Variants in SAMM50 observed in about 807,000 individuals in gnomAD.
SAMM50 encodes sorting and assembly machinery component 50 homolog.
SAMM50 carries 47 observed loss-of-function variants against 66.9 expected under a neutral mutation model. That is an observed-to-expected ratio of 0.70 (90% CI 0.56 to 0.90). SAMM50 has a LOEUF of 0.90. SAMM50 is among the 40% of genes least tolerant of loss of function. The pLI, the probability that SAMM50 is intolerant of heterozygous loss-of-function variation, is 0.00. For synonymous variants in SAMM50, 191 were observed against 214.1 expected, an observed-to-expected ratio of 0.89 and a Z score of 0.94; for missense variants, 535 against 595.3, an observed-to-expected ratio of 0.90 and a Z score of 1.05.
chr22:43,967,776 C>A (rs930777921), intron 3 of SAMM50, among the ~76,000 whole-genome samples: 1 of 152,232 alleles, frequency 6.6e-6, no homozygotes, highest in African/African-American at 2.4e-5. Flanking sequence ...CCTTATCACA[C>A]GAGGGCCTTT....
In SAMM50 at chr22:43,963,310, G is replaced by A. The variant is rs369884307; in HGVS notation, c.46G>A (p.Gly16Arg). ...GAGTTTGGAGCCTCTTCCATCAAGT[G>A]GACCTGATTTTGGAGGATTAGGAGA... ...ARSLEPLPSSGPDFGGLGEEA... is the reference protein window; with the variant it reads ...ARSLEPLPSSRPDFGGLGEEA... Residue 16 changes from glycine (G) to arginine (R), a missense_variant, in exon 2 of 15, where the codon GGA becomes AGA. Physicochemically the swap from Gly to Arg is moderately radical, Grantham distance 125. Coordinates refer to ENST00000350028, the MANE Select transcript of SAMM50 (RefSeq NM_015380.5). The A allele has an allele frequency of 8.1e-6, 13 of 1,611,158 alleles. No homozygotes were observed. Among genetic ancestry groups the A allele is most frequent in the Middle Eastern group, 1.7e-4 (1 of 6,050 alleles).
intron 3 of SAMM50, among the ~76,000 whole-genome samples, chr22:43,965,622 G>A (rs375175610): frequency 4.6e-5 from 7 of 152,250 alleles, no homozygotes; most frequent in East Asian, 1.9e-4. Flanking sequence ...CCCTACCCCG[G>A]CCAATCCCAG....
chr22:43,981,562 A>T (rs4823182), intron 11 of SAMM50, 101 bp downstream of exon 11: 2 of 766,950 alleles, frequency 2.6e-6, no homozygotes, highest in Non-Finnish European at 2.3e-6. Flanking sequence ...TTAGGAGAGC[A>T]TAGTATTTCA....
intron 14 of SAMM50, among the ~76,000 whole-genome samples, chr22:43,996,041 C>G (rs2050351819): frequency 6.6e-6 from 1 of 152,218 alleles, no homozygotes; most frequent in Non-Finnish European, 1.5e-5. Context: ...CCTCTGTCCT[C>G]TCCGTCCGGA....
At chr22:43,956,382 G>A (rs1463231285) in intron 1 of SAMM50, among the ~76,000 whole-genome samples, 3 of 152,206 alleles carry the variant, frequency 2.0e-5, no homozygotes, top group Non-Finnish European at 4.4e-5. Flanking sequence ...GTTTTCAGTA[G>A]TTCCCCATTA....
Position 43,996,189 on chromosome 22 carries a change from G to A in SAMM50, c.1365-149G>A, listed in dbSNP as rs143716096. 1,022 of 820,498 alleles carry A rather than the reference G, an allele frequency of 1.2e-3. 7 individuals carry two copies. The African/African-American group carries it at 0.015, about 12-fold the overall frequency. The allele number at this position is 820,498 out of a possible 1,614,324, so 50.8% of individuals were successfully genotyped here. A position where few individuals can be genotyped will look rare whatever the true frequency, so the allele number is the denominator to read the frequency against. On this transcript the variant is annotated intron_variant, in intron 14 of 14. Transcript: ENST00000350028. Reference sequence around the variant, plus strand: ...GCAAAGGAGGAAGCAGCCGGGGCCGGTGAGGGTGAGGCCGGCAGCCAGGCA... The same window carrying A: ...GCAAAGGAGGAAGCAGCCGGGGCCGATGAGGGTGAGGCCGGCAGCCAGGCA...
chr22:43,960,227 GA>G (rs1216911755), intron 1 of SAMM50, among the ~76,000 whole-genome samples: 1 of 152,134 alleles, frequency 6.6e-6, no homozygotes, highest in Non-Finnish European at 1.5e-5. Flanking sequence ...CAACAAAATT[GA>G]AAGGATAGAG....
chr22:43,990,281 T>A lies in SAMM50; in HGVS notation c.1239T>A (p.Ala413=). The part of the protein sequence containing the change: ...CNLNYGEGPK[A]HIRKLAECIR... The stretch of plus-strand genomic sequence containing the variant: ...TCTTTTCAGGGGAGGGCCCCAAAGC[T>A]CATATTCGTAAGCTGGCTGAGTGCA... The change falls in exon 14 of 15, where the codon GCT becomes GCA. Residue 413 remains alanine, a synonymous_variant. Coordinates refer to ENST00000350028, the MANE Select transcript of SAMM50 (RefSeq NM_015380.5). 1 of 1,614,128 alleles carries A rather than the reference T, an allele frequency of 6.2e-7. No individual in the cohort carries two copies. Among genetic ancestry groups the A allele is most frequent in the Non-Finnish European group, 8.5e-7 (1 of 1,180,024 alleles).
chr22:43,978,503 G>A (rs997975236), intron 10 of SAMM50, among the ~76,000 whole-genome samples: 12 of 149,658 alleles, frequency 8.0e-5, no homozygotes, highest in African/African-American at 2.7e-4. Context: ...GCCCCTCCCC[G>A]TTTATCATCT....
intron 1 of SAMM50, chr22:43,957,405 A>G (rs1396079850): frequency 2.6e-6 from 1 of 382,744 alleles, no homozygotes; most frequent in African/African-American, 2.1e-5. Flanking sequence ...AAAAAAGGCA[A>G]CTTGATTAAT....
chr22:43,979,862 C>T (rs11090620), intron 10 of SAMM50, among the ~76,000 whole-genome samples: 61,655 of 151,082 alleles, frequency 0.41, 14,480 homozygotes, highest in African/African-American at 0.65. Flanking sequence ...CACTCGTATT[C>T]ACTCTGTCTG....
rs762456444 is a variant in SAMM50 at position 43,968,747 on chromosome 22, A to T, written c.251A>T (p.His84Leu). Residue 84 changes from histidine (H) to leucine (L), a missense_variant, in exon 4 of 15, where the codon CAT becomes CTT. Physicochemically the swap from His to Leu is moderately conservative, Grantham distance 99. Coordinates refer to ENST00000350028, the MANE Select transcript of SAMM50 (RefSeq NM_015380.5). The stretch of plus-strand genomic sequence containing the variant: ...ATTTTATAGGTAATGCGGAAATCTC[A>T]TGAAGCCCGTGAAAAATTGCTCCGT... Reference protein sequence around the residue: ...KNLIEVMRKSHEAREKLLRLG... With the variant: ...KNLIEVMRKSLEAREKLLRLG... 11 of 1,612,116 alleles carry T rather than the reference A, an allele frequency of 6.8e-6. No individual in the cohort carries two copies. Among genetic ancestry groups the T allele is most frequent in the Non-Finnish European group, 9.3e-6 (11 of 1,178,268 alleles).
intron 1 of SAMM50, among the ~76,000 whole-genome samples, chr22:43,959,266 G>A (rs1187363695): frequency 6.6e-6 from 1 of 152,002 alleles, no homozygotes; most frequent in Non-Finnish European, 1.5e-5. Flanking sequence ...TGATCTGCCT[G>A]CCTCAGCCTC....
chr22:43,983,737 T>G lies in SAMM50; in HGVS notation c.1008-196T>G, dbSNP rs1428944970. On this transcript the variant is annotated intron_variant, in intron 11 of 14. Transcript: ENST00000350028. This position sits in a 1 kb window ranked among gnomAD's most constrained non-coding sequence, Gnocchi z 4.2. ...CATCTCCAAAGTTTGCAGTGTCTCC[T>G]TAGATGTTGAGATTTTTATGAAATT... Among the ~76,000 whole-genome samples, 1 of 152,224 alleles carries G rather than the reference T, an allele frequency of 6.6e-6. No homozygotes were observed. The highest frequency in any genetic ancestry group is 1.9e-4 in the East Asian group (1 of 5,204).
intron 1 of SAMM50, chr22:43,962,936 T>A (rs1445556009): frequency 6.9e-6 from 1 of 144,870 alleles, no homozygotes; most frequent in Non-Finnish European, 1.5e-5. Flanking sequence ...CTTGCCGTGT[T>A]GTGCAGGCTA....
chr22:43,979,066 T>C (rs1390911340), intron 10 of SAMM50, among the ~76,000 whole-genome samples: 1 of 152,100 alleles, frequency 6.6e-6, no homozygotes, highest in African/African-American at 2.4e-5. Context: ...TGCTCGCCTG[T>C]TCTCACTTTA....
chr22:43,980,518 C>T (rs1288464126), intron 10 of SAMM50, among the ~76,000 whole-genome samples: 4 of 151,830 alleles, frequency 2.6e-5, no homozygotes, highest in African/African-American at 7.2e-5. Flanking sequence ...CGGGCGGGAG[C>T]ATGAATTCCA....
intron 3 of SAMM50, among the ~76,000 whole-genome samples, chr22:43,968,226 C>CAAAAAAAAAAAAAAAAAAA: frequency 1.5e-5 from 1 of 68,648 alleles, no homozygotes; most frequent in Non-Finnish European, 2.8e-5. Context: ...AACTCTGTCT[C>CAAAAAAAAAAAAAAAAAAA]AAAAAAAAAA....
Position 43,964,243 on chromosome 22 carries a change from A to G in SAMM50, c.133-209A>G, listed in dbSNP as rs79811300. 2.9e-3 allele frequency among the ~76,000 whole-genome samples: 441 copies of G among 152,290 alleles called. 3 individuals are homozygous for G. The highest frequency in any genetic ancestry group is 1.0e-2 in the African/African-American group (415 of 41,548). Reference sequence around the variant, plus strand: ...TGGAGAGGATTTGTAGCTCTTGTTCACAGAAAGTACATAACGAGCAAAGGG... The same window carrying G: ...TGGAGAGGATTTGTAGCTCTTGTTCGCAGAAAGTACATAACGAGCAAAGGG... On this transcript the variant is annotated intron_variant, in intron 2 of 14. Transcript: ENST00000350028.
Sources: allele counts gnomAD v4.1 joint callset (sites outside exome capture counted in the v4.1 genomes callset), GRCh38; gene constraint gnomAD v4.1.1; non-coding constraint Gnocchi (gnomAD v3.1); transcripts MANE v1.5; gene names NCBI Gene and HGNC (gene_info 2026-07-23, HGNC 2026-07-21).